BTG4: variants seen among roughly 807,000 people sequenced by gnomAD.
BTG4 encodes protein BTG4.
A neutral mutation model predicts 19.3 loss-of-function variants in BTG4; 10 were observed. That is an observed-to-expected ratio of 0.52 (90% CI 0.32 to 0.88). The LOEUF (loss-of-function observed/expected upper bound fraction) is 0.88. Among genes scored for constraint, BTG4 ranks in the 40% least tolerant of loss-of-function variants. BTG4 has a pLI of 0.04. For missense variants in BTG4, 238 were observed against 281.9 expected (o/e 0.84, Z 1.11); for synonymous variants, 91 against 95.7 (o/e 0.95, Z 0.29).
At chr11:111,455,513 G>A in the BTG4 span, 1 of 243,860 alleles carries the variant, frequency 4.1e-6, no homozygotes, top group East Asian at 9.5e-5. Flanking sequence ...GGAGGCAGGA[G>A]CAGTGGGCCT....
chr11:111,433,820 C>G, the BTG4 span, among the ~76,000 whole-genome samples: 3 of 152,212 alleles, frequency 2.0e-5, no homozygotes, highest in Admixed American at 1.3e-4. Context: ...CACTGGTCAT[C>G]AGAGAAATGC....
At chr11:111,485,753 G>A (rs1865028245) in intron 5 of BTG4, among the ~76,000 whole-genome samples, 1 of 152,078 alleles carries the variant, frequency 6.6e-6, no homozygotes, top group Non-Finnish European at 1.5e-5. Context: ...CAGAGCAGAA[G>A]TGAATGAAAT....
chr11:111,388,893 A>C, the BTG4 span, among the ~76,000 whole-genome samples: 1 of 152,216 alleles, frequency 6.6e-6, no homozygotes, highest in Non-Finnish European at 1.5e-5. Flanking sequence ...ATACTTGCCA[A>C]TCATCCTTCT....
intron 5 of BTG4, among the ~76,000 whole-genome samples, chr11:111,467,911 A>G (rs1055841538): frequency 3.9e-5 from 6 of 152,222 alleles, no homozygotes; most frequent in Admixed American, 3.9e-4. Context: ...TATCAAAGCC[A>G]GAGGTTCCAG....
the BTG4 span, among the ~76,000 whole-genome samples, chr11:111,415,305 A>G: frequency 1.3e-5 from 2 of 152,328 alleles, no homozygotes; most frequent in East Asian, 1.9e-4. Flanking sequence ...CTTCTCCTTC[A>G]TTCCTCTACA....
chr11:111,447,900 G>A, the BTG4 span, among the ~76,000 whole-genome samples: 18 of 152,104 alleles, frequency 1.2e-4, no homozygotes, highest in Admixed American at 4.6e-4. Context: ...CTCCTGTACC[G>A]CCACCCTCAT....
the BTG4 span, among the ~76,000 whole-genome samples, chr11:111,402,961 T>A: frequency 0.63 from 95,978 of 152,012 alleles, 30,907 homozygotes; most frequent in Admixed American, 0.76. Flanking sequence ...ATGGAACTGA[T>A]CACCGCTTTG....
chr11:111,472,394 T>C (rs1312223957), intron 5 of BTG4, among the ~76,000 whole-genome samples: 1 of 152,212 alleles, frequency 6.6e-6, no homozygotes, highest in East Asian at 1.9e-4. Context: ...CCCCAGGGGA[T>C]ATTTGGCAAT....
chr11:111,468,476 G>A (rs190830232), intron 5 of BTG4, among the ~76,000 whole-genome samples: 1 of 152,314 alleles, frequency 6.6e-6, no homozygotes, highest in Non-Finnish European at 1.5e-5. Flanking sequence ...GTTAAAACTC[G>A]AGCCCAGGTG....
At position 111,471,120 on chromosome 11, in the gene BTG4, T is replaced by C. The variant is rs940030074; in HGVS notation, c.663-3439A>G. On this transcript the variant is annotated intron_variant, in intron 5 of 5. Coordinates refer to the BTG4 transcript ENST00000356018. ...TAATTTTCAAAGCCACTTTTATATA[T>C]AGTGTCACTCGATCCACCCAACAAG... Among the ~76,000 whole-genome samples, 3 of 152,184 alleles carry C rather than the reference T, an allele frequency of 2.0e-5. No individual in the cohort carries two copies. In the East Asian group the frequency reaches 5.8e-4, roughly 29 times the overall value.
At chr11:111,497,876 C>A in intron 3 of BTG4, 122 bp downstream of exon 3, 1 of 1,087,796 alleles carries the variant, frequency 9.2e-7, no homozygotes. Context: ...AAAATCTTAA[C>A]CAAGAAGTAT....
At chr11:111,413,178 A>G in the BTG4 span, among the ~76,000 whole-genome samples, 1 of 152,254 alleles carries the variant, frequency 6.6e-6, no homozygotes, top group Non-Finnish European at 1.5e-5. Context: ...AGCGTAAACC[A>G]TCAATGCAGG....
chr11:111,483,579 T>C (rs1591479928), intron 5 of BTG4, among the ~76,000 whole-genome samples: 1 of 152,036 alleles, frequency 6.6e-6, no homozygotes, highest in Non-Finnish European at 1.5e-5. Context: ...AGCTAAAAAA[T>C]TCAACTGATA....
At chr11:111,426,597 T>C in the BTG4 span, among the ~76,000 whole-genome samples, 1 of 146,064 alleles carries the variant, frequency 6.8e-6, no homozygotes. Context: ...TCTCCCTCCA[T>C]GCTCCAGAGA....
At chr11:111,419,781 C>A in the BTG4 span, among the ~76,000 whole-genome samples, 2 of 152,264 alleles carry the variant, frequency 1.3e-5, no homozygotes, top group Non-Finnish European at 2.9e-5. Context: ...TGGCTTCACC[C>A]TCCACACAGC....
the BTG4 span, among the ~76,000 whole-genome samples, chr11:111,438,951 T>C: frequency 6.6e-6 from 1 of 152,198 alleles, no homozygotes; most frequent in Non-Finnish European, 1.5e-5. Flanking sequence ...ATTAAACATA[T>C]TTTCAAATCC....
At position 111,476,135 on chromosome 11, in the gene BTG4, T is replaced by TACACACACACACACACAC. The variant is rs55989357; in HGVS notation, c.663-8472_663-8455dup. On this transcript the variant is annotated intron_variant, in intron 5 of 5. Coordinates refer to the BTG4 transcript ENST00000356018. ...GCACCAAGAGAAGTACCAGAATAGA[T>TACACACACACACACACAC]ACACACACACACACACACACACACA... 6.9e-3 allele frequency among the ~76,000 whole-genome samples: 1,020 copies of TACACACACACACACACAC among 148,826 alleles called. 18 individuals carry two copies. Among genetic ancestry groups the TACACACACACACACACAC allele is most frequent in the African/African-American group, 0.024 (956 of 40,312 alleles).
rs370990478 is a variant in BTG4, at chr11:111,501,379, T to TA, written c.-26-2578dup. Among the ~76,000 whole-genome samples the TA allele has an allele frequency of 6.6e-3, 1,004 of 151,690 alleles. 7 individuals are homozygous for TA. Among genetic ancestry groups the TA allele is most frequent in the African/African-American group, 0.022 (918 of 41,390 alleles). On this transcript the variant is annotated intron_variant, in intron 1 of 4. Transcript: ENST00000692032. ...GAGCAAAGACCCTCTCTCAAAAAAA[T>TA]AAAAAAAACCTTTCACTAGTGAAGA...
the BTG4 span, among the ~76,000 whole-genome samples, chr11:111,426,791 C>CG: frequency 6.6e-6 from 1 of 152,208 alleles, no homozygotes; most frequent in East Asian, 1.9e-4. Flanking sequence ...CAGGCAGGCC[C>CG]GGGCAGGTTT....
Sources: allele counts gnomAD v4.1 joint callset (sites outside exome capture counted in the v4.1 genomes callset), GRCh38; gene constraint gnomAD v4.1.1; transcripts MANE v1.5; gene names NCBI Gene and HGNC (gene_info 2026-07-23, HGNC 2026-07-21).